WNT9A: variants seen among roughly 807,000 people sequenced by gnomAD.
WNT9A encodes Wnt family member 9A.
WNT9A carries 8 observed loss-of-function variants against 31.4 expected under a neutral mutation model. That is an observed-to-expected ratio of 0.26 (90% CI 0.15 to 0.46). The LOEUF (loss-of-function observed/expected upper bound fraction) is 0.46. WNT9A is among the 20% of genes least tolerant of loss of function. WNT9A has a pLI of 0.99. For synonymous variants in WNT9A, 236 were observed against 220.1 expected (o/e 1.07, Z -0.64); for missense variants, 457 against 522.9 (o/e 0.87, Z 1.23).
rs1385637931 is a variant in WNT9A at position 227,924,257 on chromosome 1, C to T, written c.496G>A (p.Gly166Arg). 2 of 1,613,910 alleles carry T rather than the reference C, an allele frequency of 1.2e-6. No individual in the cohort carries two copies. The highest frequency in any genetic ancestry group is 1.7e-6 in the Non-Finnish European group (2 of 1,180,002). Reference sequence around the variant, plus strand: ...TACTTAAGGTTGTCTCCGCAGCCCCCCCACTGCCAGGCCTCACGGTTCTCC... The same window carrying T: ...TACTTAAGGTTGTCTCCGCAGCCCCTCCACTGCCAGGCCTCACGGTTCTCC... ...DLENREAWQW[G>R]GCGDNLKYSS... The change falls in exon 3 of 4, where the codon GGG becomes AGG. Residue 166 changes from glycine (G) to arginine (R), a missense_variant. Physicochemically the swap from Gly to Arg is moderately radical, Grantham distance 125 (BLOSUM62 -2). Transcript: ENST00000272164.
chr1:227,922,069 C>A, intron 3 of WNT9A, 69 bp from the exon 4 acceptor site: 1 of 1,528,620 alleles, frequency 6.5e-7, no homozygotes, highest in South Asian at 1.3e-5. Context: ...GCAGACCCTG[C>A]CCTGGACCCC....
intron 1 of WNT9A, among the ~76,000 whole-genome samples, chr1:227,939,128 G>T (rs953277551): frequency 3.9e-5 from 6 of 152,236 alleles, no homozygotes; most frequent in Admixed American, 1.3e-4. Context: ...GAAGGAAGAC[G>T]TCTCAACACC....
intron 1 of WNT9A, among the ~76,000 whole-genome samples, chr1:227,927,274 G>A (rs1666434631): frequency 6.6e-6 from 1 of 152,304 alleles, no homozygotes. Context: ...GTGCCAGGCT[G>A]CCAGGGAGTG....
At chr1:227,929,093 C>T (rs1440035731) in intron 1 of WNT9A, among the ~76,000 whole-genome samples, 2 of 152,084 alleles carry the variant, frequency 1.3e-5, no homozygotes, top group African/African-American at 4.8e-5. Flanking sequence ...TATAAACCTA[C>T]AGGCCAAGGG....
Position 227,921,825 on chromosome 1 carries a change from G to T in WNT9A, c.791C>A (p.Ala264Glu), listed in dbSNP as rs1347055420. ...GCCCCGTGGTGGGGAGATGGCACCT[G>T]CCTCGCCGGCAGCTTCATTGGTGGT... ...GSTTNEAAGE[A>E]GAISPPRGRA... is the part of the protein sequence containing the mutation. Residue 264 changes from alanine to glutamate, a missense_variant, in exon 4 of 4, where the codon GCA becomes GAA. Transcript: ENST00000272164. The T allele has an allele frequency of 1.2e-6, 2 of 1,613,038 alleles. No homozygotes were observed. The highest frequency in any genetic ancestry group is 2.7e-5 in the African/African-American group (2 of 75,050).
chr1:227,921,524 C>G lies in WNT9A; in HGVS notation c.1092G>C (p.Lys364Asn). The G allele has an allele frequency of 6.2e-7, 1 of 1,605,986 alleles. No individual in the cohort carries two copies. Among genetic ancestry groups the G allele is most frequent in the East Asian group, 2.2e-5 (1 of 44,666 alleles). ...CTQREEVYTC[K>N]G Reference sequence around the variant, plus strand: ...GCTGGCAGGGCCTGGGAACTCAGCCCTTGCAGGTGTAGACCTCCTCACGCT... The same window carrying G: ...GCTGGCAGGGCCTGGGAACTCAGCCGTTGCAGGTGTAGACCTCCTCACGCT... The change falls in exon 4 of 4, where the codon AAG becomes AAC. Residue 364 changes from lysine (K) to asparagine (N), a missense_variant. Transcript: ENST00000272164.
chr1:227,934,491 A>G (rs925054593), intron 1 of WNT9A, among the ~76,000 whole-genome samples: 8 of 152,198 alleles, frequency 5.3e-5, no homozygotes, highest in Non-Finnish European at 1.2e-4. Flanking sequence ...AACTAATGCA[A>G]TGAGCCTCAT....
chr1:227,933,818 C>T (rs1049907811), intron 1 of WNT9A, among the ~76,000 whole-genome samples: 13 of 152,062 alleles, frequency 8.5e-5, no homozygotes, highest in African/African-American at 2.2e-4. Context: ...GTGAATTCAC[C>T]GATATGGGCA....
chr1:227,929,029 A>T (rs572118461), intron 1 of WNT9A, among the ~76,000 whole-genome samples: 1 of 152,300 alleles, frequency 6.6e-6, no homozygotes, highest in African/African-American at 2.4e-5. Context: ...GTCTGGATGC[A>T]TATCTCTTCC....
At chr1:227,929,627 A>T (rs1427028453) in intron 1 of WNT9A, among the ~76,000 whole-genome samples, 1 of 152,170 alleles carries the variant, frequency 6.6e-6, no homozygotes, top group Admixed American at 6.5e-5. Flanking sequence ...CGAGGTCAGG[A>T]GTTCAAGACC....
chr1:227,945,115 C>G (rs1666774513), intron 1 of WNT9A, among the ~76,000 whole-genome samples: 1 of 152,230 alleles, frequency 6.6e-6, no homozygotes, highest in Admixed American at 6.5e-5. Flanking sequence ...CACAACCCAG[C>G]AAGGGCGAAG....
intron 1 of WNT9A, among the ~76,000 whole-genome samples, chr1:227,935,502 A>G (rs528816545): frequency 1.2e-4 from 19 of 152,298 alleles, no homozygotes; most frequent in Non-Finnish European, 5.9e-5. Context: ...TCTGTGCCCT[A>G]AGCCCTCTGA....
At chr1:227,924,514 T>G (rs1425144647) in intron 2 of WNT9A, 114 bp from the exon 3 acceptor site, 1 of 1,420,476 alleles carries the variant, frequency 7.0e-7, no homozygotes, top group Non-Finnish European at 9.5e-7. Flanking sequence ...TCAGAGCATC[T>G]TTCCTGGTGC....
At chr1:227,932,918 G>C (rs968224923) in intron 1 of WNT9A, among the ~76,000 whole-genome samples, 12 of 152,226 alleles carry the variant, frequency 7.9e-5, no homozygotes, top group Admixed American at 7.8e-4. Context: ...AGCACAGGCA[G>C]AGTAGACTTG....
rs192922345 is a variant in WNT9A, at chr1:227,941,846, C to A, written c.95+5947G>T. On this transcript the variant is annotated intron_variant, in intron 1 of 3. Transcript: ENST00000272164. ...ACTGCACCGGTCCTGACCCCGCCGC[C>A]CAGCACAATGCACAAAGGGAGCCCG... Among the ~76,000 whole-genome samples the A allele has an allele frequency of 3.3e-3, 495 of 152,186 alleles. 11 individuals carry two copies. The highest frequency in any genetic ancestry group is 0.024 in the East Asian group (124 of 5,124).
chr1:227,922,346 A>T (rs904866400), intron 3 of WNT9A, among the ~76,000 whole-genome samples: 1 of 152,094 alleles, frequency 6.6e-6, no homozygotes, highest in East Asian at 1.9e-4. Context: ...CCCCATTCCC[A>T]TAATCCCAGT....
chr1:227,927,798 C>T (rs879735618), intron 1 of WNT9A, among the ~76,000 whole-genome samples: 14 of 152,166 alleles, frequency 9.2e-5, no homozygotes, highest in Non-Finnish European at 1.3e-4. Context: ...AAGCCACTGT[C>T]CCAGAAAACC....
intron 1 of WNT9A, among the ~76,000 whole-genome samples, chr1:227,941,901 G>A (rs1666714090): frequency 1.3e-5 from 2 of 152,080 alleles, no homozygotes; most frequent in Non-Finnish European, 2.9e-5. Context: ...TGGCGCGACC[G>A]AGGCCTGTCA....
chr1:227,924,987 G>A (rs1336018836), intron 2 of WNT9A, among the ~76,000 whole-genome samples: 1 of 152,126 alleles, frequency 6.6e-6, no homozygotes, highest in African/African-American at 2.4e-5. Context: ...GAGGGCTGTC[G>A]GGGCAGCCCC....
Sources: allele counts gnomAD v4.1 joint callset (sites outside exome capture counted in the v4.1 genomes callset), GRCh38; gene constraint gnomAD v4.1.1; transcripts MANE v1.5; gene names NCBI Gene and HGNC (gene_info 2026-07-23, HGNC 2026-07-21).